The following UBR1 variants were observed in gnomAD, a reference collection of about 807,000 sequenced individuals.
UBR1 encodes ubiquitin protein ligase E3 component n-recognin 1.
Under a neutral mutation model 242.1 loss-of-function variants are expected in UBR1, and 102 were observed. The observed-to-expected ratio is 0.42, with a 90% CI of 0.36 to 0.50. UBR1 has a LOEUF of 0.50. Ranked by LOEUF, UBR1 falls within the 20% of genes least tolerant of loss-of-function variation. The probability of loss-of-function intolerance (pLI) is 0.01; values close to 1 mark genes in which losing one functional copy is unlikely to be tolerated. For missense variants in UBR1, 1,772 were observed against 2,101.8 expected, an observed-to-expected ratio of 0.84 and a Z score of 3.07; for synonymous variants, 675 against 684.8, an observed-to-expected ratio of 0.99 and a Z score of 0.22.
intron 15 of UBR1, among the ~76,000 whole-genome samples, chr15:43,040,886 A>G (rs1301396257): frequency 6.6e-6 from 1 of 152,202 alleles, no homozygotes; most frequent in Non-Finnish European, 1.5e-5. Context: ...TCAAAACCAC[A>G]ATGAGATTAC....
intron 41 of UBR1, among the ~76,000 whole-genome samples, chr15:42,964,886 GA>G (rs757542767): frequency 3.2e-4 from 48 of 152,264 alleles, no homozygotes; most frequent in Admixed American, 1.5e-3. Context: ...CTATCTCAGA[GA>G]GTTCCCCACT....
Position 42,998,272 on chromosome 15 carries a change from A to G in UBR1, c.3660-7T>C. 1 of 1,611,562 alleles carries G rather than the reference A, an allele frequency of 6.2e-7. No individual in the cohort carries two copies. The highest frequency in any genetic ancestry group is 8.5e-7 in the Non-Finnish European group (1 of 1,177,820). ...AAGAGCATCTGCATTCTCACTGAAA[A>G]ATGATATTTAAAAATTATTACAACC... is the stretch of plus-strand genomic sequence containing the variant. On this transcript the variant is annotated splice_polypyrimidine_tract_variant and splice_region_variant and intron_variant, in intron 32 of 46. Transcript: ENST00000290650.
At chr15:42,966,327 A>G in intron 40 of UBR1, 41 bp from the exon 41 acceptor site, 1 of 1,612,436 alleles carries the variant, frequency 6.2e-7, no homozygotes, top group East Asian at 2.2e-5. Flanking sequence ...AATACATATC[A>G]GACTAAAGCC....
intron 14 of UBR1, among the ~76,000 whole-genome samples, chr15:43,044,920 T>A (rs1247989669): frequency 6.6e-6 from 1 of 151,638 alleles, no homozygotes; most frequent in Non-Finnish European, 1.5e-5. Flanking sequence ...AAGAAAGAAA[T>A]TCAGTAGCTT....
At chr15:43,067,757 C>T (rs1370665183) in intron 6 of UBR1, 141 bp downstream of exon 6, 1 of 821,926 alleles carries the variant, frequency 1.2e-6, no homozygotes, top group South Asian at 1.9e-5. Context: ...AACTGAAGTT[C>T]TAACCAATTT....
intron 39 of UBR1, among the ~76,000 whole-genome samples, chr15:42,976,290 T>C (rs1044384285): frequency 6.6e-6 from 1 of 152,102 alleles, no homozygotes. Flanking sequence ...AACAGTAAGA[T>C]ATAACCAGAA....
chr15:43,012,164 T>C (rs912064339), intron 29 of UBR1, among the ~76,000 whole-genome samples: 1 of 151,710 alleles, frequency 6.6e-6, no homozygotes, highest in Non-Finnish European at 1.5e-5. Context: ...GAGGTGGAGC[T>C]TGCAGTGAGC....
At position 43,030,022 on chromosome 15, in the gene UBR1, G is replaced by T. The variant is rs2033233878; in HGVS notation, c.2301C>A (p.Val767=). ...PGVGNVTKEE[V]TMREIIHLLC... ...GCAAGTGAATGATTTCTCTCATTGT[G>T]ACCTCTTCTTTGGTCACATTTCCCA... The change falls in exon 21 of 47, where the codon GTC becomes GTA. Residue 767 remains valine (V), a synonymous_variant. Coordinates refer to ENST00000290650, the MANE Select transcript of UBR1 (RefSeq NM_174916.3). The T allele has an allele frequency of 3.7e-6, 6 of 1,613,954 alleles. No homozygotes were observed. Among genetic ancestry groups the T allele is most frequent in the South Asian group, 1.1e-5 (1 of 91,062 alleles).
intron 9 of UBR1, among the ~76,000 whole-genome samples, chr15:43,058,857 G>T (rs2033648974): frequency 6.6e-6 from 1 of 151,882 alleles, no homozygotes; most frequent in Non-Finnish European, 1.5e-5. Context: ...CTTTTTGACT[G>T]GCTCTCACTA....
intron 43 of UBR1, among the ~76,000 whole-genome samples, chr15:42,960,332 T>A (rs1368503885): frequency 6.6e-6 from 1 of 152,160 alleles, no homozygotes; most frequent in African/African-American, 2.4e-5. Context: ...ACCACTACCT[T>A]TTGAAGTTAA....
intron 15 of UBR1, among the ~76,000 whole-genome samples, chr15:43,040,047 C>T (rs1168712849): frequency 3.3e-5 from 5 of 152,052 alleles, no homozygotes; most frequent in East Asian, 1.9e-4. Flanking sequence ...AGATTTAATG[C>T]CATCCCCATC....
chr15:43,093,038 GA>G (rs573458511), intron 1 of UBR1, among the ~76,000 whole-genome samples: 5 of 148,022 alleles, frequency 3.4e-5, no homozygotes, highest in South Asian at 2.1e-4. Context: ...CCAAGTCCAG[GA>G]AAAAAAAAAT....
At chr15:42,969,898 C>G (rs1391353483) in intron 40 of UBR1, among the ~76,000 whole-genome samples, 1 of 152,178 alleles carries the variant, frequency 6.6e-6, no homozygotes. Context: ...GAATCAATGT[C>G]GTGAAAATGG....
chr15:43,100,589 C>T (rs1464492825), intron 1 of UBR1, among the ~76,000 whole-genome samples: 1 of 152,174 alleles, frequency 6.6e-6, no homozygotes, highest in African/African-American at 2.4e-5. Context: ...GTAATCCCAG[C>T]AGTTTGGGAG....
At chr15:42,988,785 G>A (rs925160964) in intron 35 of UBR1, 34 bp downstream of exon 35, 1 of 1,613,904 alleles carries the variant, frequency 6.2e-7, no homozygotes, top group South Asian at 1.1e-5. Flanking sequence ...AATTCTCACT[G>A]AAACCTCCAA....
chr15:43,043,986 G>A (rs1243158501), intron 14 of UBR1, among the ~76,000 whole-genome samples: 3 of 152,152 alleles, frequency 2.0e-5, no homozygotes, highest in Admixed American at 1.3e-4. Flanking sequence ...AGCAGCTTCT[G>A]ATGGGCCCTA....
At chr15:42,994,911 A>G (rs944430633) in intron 33 of UBR1, among the ~76,000 whole-genome samples, 24 of 152,228 alleles carry the variant, frequency 1.6e-4, no homozygotes, top group African/African-American at 5.3e-4. Flanking sequence ...AAAAGCTACC[A>G]GAATAAATGC....
intron 3 of UBR1, among the ~76,000 whole-genome samples, chr15:43,076,391 A>ACGGCCGCCACC (rs1306237012): frequency 2.0e-5 from 3 of 147,388 alleles, no homozygotes; most frequent in Non-Finnish European, 3.0e-5. Flanking sequence ...CAGCCTCTGC[A>ACGGCCGCCACC]CGGCCGCCAC....
chr15:43,012,008 T>G, intron 29 of UBR1: 1 of 429,888 alleles, frequency 2.3e-6, no homozygotes, highest in Non-Finnish European at 4.6e-6. Flanking sequence ...GGGCGGATCA[T>G]GAGGTCAGGA....
Sources: gnomAD v4.1 joint callset for allele counts (sites outside exome capture counted in the v4.1 genomes callset) on GRCh38, gnomAD v4.1.1 for gene constraint, MANE v1.5 for transcripts, NCBI Gene and HGNC (gene_info 2026-07-23, HGNC 2026-07-21) for gene names.